Variants in H2BC5 observed in about 807,000 individuals in gnomAD.
H2BC5 encodes H2B clustered histone 5, also known as histone H2B type 1-D.
A neutral mutation model predicts 5.7 loss-of-function variants in H2BC5; 9 were observed. The ratio of observed to expected loss-of-function variants is 1.57; its 90% CI spans 0.95 to 2.74. The LOEUF (loss-of-function observed/expected upper bound fraction) is 2.74. Among genes scored for constraint, H2BC5 ranks in the 30% most tolerant of loss-of-function variants. The pLI, the probability that H2BC5 is intolerant of heterozygous loss-of-function variation, is 0.00. For missense variants in H2BC5, 175 were observed against 168.8 expected, an observed-to-expected ratio of 1.04 and a Z score of -0.20; for synonymous variants, 133 against 70.9, an observed-to-expected ratio of 1.88 and a Z score of -4.40.
intron 1 of H2BC5, among the ~76,000 whole-genome samples, chr6:26,165,315 G>A (rs1447325194): frequency 6.6e-6 from 1 of 152,194 alleles, no homozygotes. Flanking sequence ...TCTCTGGGCT[G>A]CTGCATGTAC....
downstream of H2BC5, among the ~76,000 whole-genome samples, chr6:26,160,573 A>G (rs1764335588): frequency 6.6e-6 from 1 of 151,672 alleles, no homozygotes; most frequent in South Asian, 2.1e-4. Flanking sequence ...AGAATTAACA[A>G]GATACAGACT....
At chr6:26,166,868 T>G (rs1353944752) in intron 1 of H2BC5, among the ~76,000 whole-genome samples, 1 of 151,490 alleles carries the variant, frequency 6.6e-6, no homozygotes, top group Non-Finnish European at 1.5e-5. Context: ...GTCCAACTAA[T>G]TTTTATACTT....
At chr6:26,160,514 GAAA>G (rs34183291), downstream of H2BC5, among the ~76,000 whole-genome samples, 4 of 55,162 alleles carry the variant, frequency 7.3e-5, no homozygotes, top group East Asian at 1.1e-3. Context: ...TCCTGTCTCT[GAAA>G]AAAAAAAAAA....
At position 26,158,227 on chromosome 6, in the gene H2BC5, A is replaced by T. The variant is rs2113830654; in HGVS notation, c.58A>T (p.Thr20Ser). Residue 20 changes from threonine to serine, a missense_variant, in exon 1 of 1, where the codon ACT becomes TCT. Thr to Ser is a moderately conservative substitution (Grantham distance 58). Around this residue, in one of 4 missense-constraint regions of H2BC5, gnomAD observed 119 missense variants for 85.6 expected, o/e 1.39. Transcript: ENST00000377777. Reference sequence around the variant, plus strand: ...AAAGAAGGGCTCCAAGAAGGCGGTGACTAAGGCTCAGAAGAAGGACGGGAA... The same window carrying T: ...AAAGAAGGGCTCCAAGAAGGCGGTGTCTAAGGCTCAGAAGAAGGACGGGAA... Reference protein sequence around the residue: ...APKKGSKKAVTKAQKKDGKKR... With the variant: ...APKKGSKKAVSKAQKKDGKKR... 6.2e-7 allele frequency: 1 copy of T among 1,614,266 alleles called. No homozygotes were observed. Among genetic ancestry groups the T allele is most frequent in the South Asian group, 1.1e-5 (1 of 91,088 alleles).
At chr6:26,167,838 C>T (rs1022656410) in intron 1 of H2BC5, among the ~76,000 whole-genome samples, 5 of 151,986 alleles carry the variant, frequency 3.3e-5, no homozygotes, top group Non-Finnish European at 7.4e-5. Context: ...ACCTTACGCT[C>T]ATAATAGATT....
At chr6:26,165,892 A>G (rs1764414645) in intron 1 of H2BC5, among the ~76,000 whole-genome samples, 1 of 152,230 alleles carries the variant, frequency 6.6e-6, no homozygotes, top group South Asian at 2.1e-4. Context: ...AGATGTGGAC[A>G]TAGAGTATAC....
intron 1 of H2BC5, among the ~76,000 whole-genome samples, chr6:26,168,446 A>G (rs1451514026): frequency 6.6e-6 from 1 of 151,986 alleles, no homozygotes; most frequent in Non-Finnish European, 1.5e-5. Flanking sequence ...CAACAAGACC[A>G]AAACTCCATT....
intron 1 of H2BC5, among the ~76,000 whole-genome samples, chr6:26,163,883 A>G (rs1385858023): frequency 1.3e-5 from 2 of 152,086 alleles, no homozygotes; most frequent in Non-Finnish European, 2.9e-5. Context: ...AGCTCAAGCA[A>G]TCCTGCCTCA....
At chr6:26,168,917 T>A (rs1581436840) in intron 1 of H2BC5, among the ~76,000 whole-genome samples, 1 of 152,318 alleles carries the variant, frequency 6.6e-6, no homozygotes, top group Non-Finnish European at 1.5e-5. Context: ...ATGATTGTTG[T>A]TAGAATGTCC....
intron 1 of H2BC5, among the ~76,000 whole-genome samples, chr6:26,168,145 C>T (rs1441700172): frequency 6.9e-6 from 1 of 145,694 alleles, no homozygotes; most frequent in Non-Finnish European, 1.5e-5. Flanking sequence ...TTTTCAATAC[C>T]AAAAAAAAAA....
chr6:26,166,716 T>TTTTTC (rs1764436516), intron 1 of H2BC5, among the ~76,000 whole-genome samples: 1 of 117,050 alleles, frequency 8.5e-6, no homozygotes, highest in Admixed American at 8.5e-5. Flanking sequence ...TTTTTTTTTT[T>TTTTTC]TGACACGGAG....
intron 1 of H2BC5, among the ~76,000 whole-genome samples, chr6:26,170,661 A>G (rs1764503213): frequency 6.6e-6 from 1 of 152,240 alleles, no homozygotes; most frequent in African/African-American, 2.4e-5. Flanking sequence ...GAGTTAAAAT[A>G]AAAATCAGAG....
At chr6:26,160,559 AG>A (rs1333052733), downstream of H2BC5, among the ~76,000 whole-genome samples, 1 of 150,662 alleles carries the variant, frequency 6.6e-6, no homozygotes, top group African/African-American at 2.4e-5. Flanking sequence ...GGAAATGAAA[AG>A]GGAGAATTAA....
rs867984257 is a variant in H2BC5 at position 26,164,294 on chromosome 6, A to G, written c.*9+5735A>G. The G allele has an allele frequency of 1.5e-5, 4 of 260,112 alleles. No homozygotes were observed. In the Middle Eastern group the frequency reaches 1.3e-3, roughly 87 times the overall value. The allele number at this position is 260,112 out of a possible 1,614,324, so 16.1% of individuals were successfully genotyped here. On this transcript the variant is annotated intron_variant, in intron 1 of 1. Transcript: ENST00000289316. ...TGGCCAGCCCATCCTGGAAGATGCC[A>G]AGTGGACAAGCCAGCACTCAGACAC...
chr6:26,168,145 C>CA (rs902206381), intron 1 of H2BC5, among the ~76,000 whole-genome samples: 47 of 145,716 alleles, frequency 3.2e-4, no homozygotes, highest in African/African-American at 6.0e-4. Context: ...TTTTCAATAC[C>CA]AAAAAAAAAA....
chr6:26,170,469 C>T (rs1764500862), intron 1 of H2BC5, among the ~76,000 whole-genome samples: 1 of 152,144 alleles, frequency 6.6e-6, no homozygotes, highest in Non-Finnish European at 1.5e-5. Flanking sequence ...CACAGTGGTT[C>T]AACTGAATGA....
downstream of H2BC5, among the ~76,000 whole-genome samples, chr6:26,160,315 C>T (rs1764331674): frequency 6.6e-6 from 1 of 152,114 alleles, no homozygotes; most frequent in Non-Finnish European, 1.5e-5. Flanking sequence ...CAAATTGCCA[C>T]AGCTAAAATA....
At chr6:26,158,731 A>G, downstream of H2BC5, 4 of 1,027,500 alleles carry the variant, frequency 3.9e-6, no homozygotes, top group Non-Finnish European at 4.2e-6. Context: ...GTTACAGGGA[A>G]TAACAATAGG....
At chr6:26,162,622 G>T (rs1373605117), downstream of H2BC5, among the ~76,000 whole-genome samples, 1 of 151,896 alleles carries the variant, frequency 6.6e-6, no homozygotes, top group Non-Finnish European at 1.5e-5. Flanking sequence ...GCTCACTGCA[G>T]CCTCCACTTC....
Sources: gnomAD v4.1 joint callset for allele counts (sites outside exome capture counted in the v4.1 genomes callset) on GRCh38, gnomAD v4.1.1 for gene constraint, gnomAD v4.1.1 regional missense constraint, MANE v1.5 for transcripts, NCBI Gene and HGNC (gene_info 2026-07-23, HGNC 2026-07-21) for gene names.